FMN1: variants seen among roughly 807,000 people sequenced by gnomAD.
FMN1 encodes the protein formin 1, also known as formin-1.
Under a neutral mutation model 132.4 loss-of-function variants are expected in FMN1, and 110 were observed. That is an observed-to-expected ratio of 0.83 (90% CI 0.71 to 0.97). The LOEUF (loss-of-function observed/expected upper bound fraction) is 0.97, where lower values mean the gene tolerates loss of function less well. Ranked by LOEUF, FMN1 falls within the 50% of genes least tolerant of loss-of-function variation. FMN1 has a pLI of 0.00. For missense variants in FMN1, 1,792 were observed against 1,705.3 expected (o/e 1.05, Z -0.90); for synonymous variants, 722 against 651.7 (o/e 1.11, Z -1.64).
intron 19 of FMN1, among the ~76,000 whole-genome samples, chr15:32,783,819 T>A (rs968524324): frequency 6.9e-6 from 1 of 145,436 alleles, no homozygotes; most frequent in African/African-American, 2.5e-5. Context: ...TTTAGAGATT[T>A]AGGCTCCCCA....
intron 19 of FMN1, among the ~76,000 whole-genome samples, chr15:32,778,444 A>G (rs2056561754): frequency 6.6e-6 from 1 of 151,812 alleles, no homozygotes. Flanking sequence ...GAACTCTTAC[A>G]ATTCAAATAA....
At chr15:32,976,990 T>C (rs1168073765) in intron 7 of FMN1, among the ~76,000 whole-genome samples, 1 of 152,166 alleles carries the variant, frequency 6.6e-6, no homozygotes, top group Non-Finnish European at 1.5e-5. Context: ...TGAAAAATAG[T>C]AACAAGGGGA....
chr15:32,978,145 C>A (rs2032362638), intron 7 of FMN1, among the ~76,000 whole-genome samples: 2 of 152,022 alleles, frequency 1.3e-5, no homozygotes, highest in African/African-American at 4.8e-5. Context: ...TGAGTCACTG[C>A]ACCCAGCCTA....
chr15:32,978,037 A>G (rs886457868), intron 7 of FMN1, among the ~76,000 whole-genome samples: 5 of 151,862 alleles, frequency 3.3e-5, no homozygotes, highest in Non-Finnish European at 1.5e-5. Context: ...TTTTATTCTT[A>G]GTAGAGACAG....
At chr15:33,005,875 G>C (rs924734312) in intron 7 of FMN1, among the ~76,000 whole-genome samples, 6 of 152,114 alleles carry the variant, frequency 3.9e-5, no homozygotes, top group Non-Finnish European at 8.8e-5. Context: ...GTCTCCCTTT[G>C]TAACAAGGGA....
At chr15:33,164,256 G>A (rs1330790332) in intron 3 of FMN1, among the ~76,000 whole-genome samples, 1 of 152,186 alleles carries the variant, frequency 6.6e-6, no homozygotes, top group African/African-American at 2.4e-5. Flanking sequence ...TCACAAGAAG[G>A]AAAGCACTAA....
intron 4 of FMN1, among the ~76,000 whole-genome samples, chr15:33,096,189 T>C (rs77457159): frequency 0.015 from 2,286 of 152,306 alleles, 50 homozygotes; most frequent in African/African-American, 0.053. Context: ...ACAGAAGTTT[T>C]TGTGATATAA....
chr15:33,109,745 A>G (rs77544979), intron 4 of FMN1, among the ~76,000 whole-genome samples: 8,813 of 151,982 alleles, frequency 0.058, 825 homozygotes, highest in African/African-American at 0.2. Context: ...TGGGCCTAAT[A>G]CCTGGGTGAT....
intron 4 of FMN1, 83 bp downstream of exon 4, chr15:33,152,961 ATCAG>A: frequency 7.4e-7 from 1 of 1,342,912 alleles, no homozygotes; most frequent in Middle Eastern, 1.9e-4. Context: ...TCCATTGTTA[ATCAG>A]TCAGTTTCTA....
chr15:32,811,576 C>T (rs1251943872), intron 17 of FMN1, among the ~76,000 whole-genome samples: 1 of 151,636 alleles, frequency 6.6e-6, no homozygotes, highest in African/African-American at 2.4e-5. Context: ...TTCAAATGGT[C>T]ATCTAGTCTA....
chr15:32,840,841 C>T (rs2058730513), intron 17 of FMN1, among the ~76,000 whole-genome samples: 1 of 152,166 alleles, frequency 6.6e-6, no homozygotes, highest in South Asian at 2.1e-4. Context: ...AATGTGCACA[C>T]ACTGTTTAAA....
At chr15:33,172,221 GA>G (rs139711401) in intron 3 of FMN1, among the ~76,000 whole-genome samples, 2 of 150,488 alleles carry the variant, frequency 1.3e-5, no homozygotes, top group Non-Finnish European at 1.5e-5. Context: ...AAAAAAAAAA[GA>G]AAAGAAAGAA....
At chr15:33,185,107 G>C (rs1197776125) in intron 2 of FMN1, among the ~76,000 whole-genome samples, 1 of 152,162 alleles carries the variant, frequency 6.6e-6, no homozygotes, top group East Asian at 1.9e-4. Context: ...CATGATTATT[G>C]AAGGTTAGCA....
At chr15:32,829,461 A>G (rs2058450020) in intron 17 of FMN1, among the ~76,000 whole-genome samples, 1 of 152,142 alleles carries the variant, frequency 6.6e-6, no homozygotes, top group Admixed American at 6.5e-5. Flanking sequence ...AGATTGGAAA[A>G]TTTCCTCCAA....
At chr15:32,974,436 G>C (rs2032037724) in intron 7 of FMN1, among the ~76,000 whole-genome samples, 1 of 152,158 alleles carries the variant, frequency 6.6e-6, no homozygotes, top group Non-Finnish European at 1.5e-5. Context: ...TAATAAGAAA[G>C]ATTCAAACTT....
chr15:32,900,844 C>T (rs1037959351), intron 13 of FMN1, among the ~76,000 whole-genome samples: 2 of 151,964 alleles, frequency 1.3e-5, no homozygotes, highest in Non-Finnish European at 2.9e-5. Flanking sequence ...CATTTTATCC[C>T]CCTTTATTTC....
intron 12 of FMN1, among the ~76,000 whole-genome samples, chr15:32,903,476 G>A (rs1265682877): frequency 6.6e-6 from 1 of 152,170 alleles, no homozygotes; most frequent in Non-Finnish European, 1.5e-5. Context: ...TGAGTCTGGG[G>A]AAGACGTATT....
intron 7 of FMN1, among the ~76,000 whole-genome samples, chr15:33,004,276 A>G (rs2034285783): frequency 6.6e-6 from 1 of 152,142 alleles, no homozygotes; most frequent in Non-Finnish European, 1.5e-5. Context: ...ATGGGAGAAA[A>G]TTTTTGCAAC....
In FMN1 at chr15:32,804,446, G is replaced by C. The variant is rs900851930; in HGVS notation, c.3929-114C>G. ...ACAGGAGGTCTGAATTCGGGGGGGG[G>C]GGGGGGGGGTAGCCTGTAACACATG... On this transcript the variant is annotated intron_variant, in intron 17 of 20. Coordinates refer to ENST00000616417, the MANE Select transcript of FMN1 (RefSeq NM_001277313.2). 7.1e-4 allele frequency: 113 copies of C among 159,730 alleles called. 23 individuals carry two copies. The East Asian group carries it at 0.011, about 16-fold the overall frequency. The allele number at this position is 159,730 out of a possible 1,614,324, so 9.9% of individuals were successfully genotyped here.
Sources: gnomAD v4.1 joint callset for allele counts (sites outside exome capture counted in the v4.1 genomes callset) on GRCh38, gnomAD v4.1.1 for gene constraint, MANE v1.5 for transcripts, NCBI Gene and HGNC (gene_info 2026-07-23, HGNC 2026-07-21) for gene names.